The following CTNNA3 variants were observed in gnomAD, a reference collection of about 807,000 sequenced individuals.
CTNNA3 encodes catenin alpha 3, also known as catenin alpha-3.
In CTNNA3, 76 loss-of-function variants were observed where a neutral mutation model predicts 95.7. The ratio of observed to expected loss-of-function variants is 0.79; its 90% CI spans 0.66 to 0.96. The LOEUF (loss-of-function observed/expected upper bound fraction) is 0.96, where lower values mean the gene tolerates loss of function less well. CTNNA3 is among the 40% of genes least tolerant of loss of function. The pLI is 0.00. For missense variants in CTNNA3, 1,191 were observed against 1,089.8 expected, an observed-to-expected ratio of 1.09 and a Z score of -1.31; for synonymous variants, 431 against 374.4, an observed-to-expected ratio of 1.15 and a Z score of -1.74.
chr10:66,720,162 C>T (rs1042819764), intron 9 of CTNNA3, among the ~76,000 whole-genome samples: 4 of 151,896 alleles, frequency 2.6e-5, no homozygotes, highest in Non-Finnish European at 5.9e-5. Context: ...GAAAGACCTT[C>T]TCTCTCGTTA....
intron 6 of CTNNA3, among the ~76,000 whole-genome samples, chr10:67,209,611 C>G (rs1172310735): frequency 6.6e-6 from 1 of 151,704 alleles, no homozygotes; most frequent in Non-Finnish European, 1.5e-5. Flanking sequence ...CAGTGTTCCC[C>G]CAAAAAAATT....
At chr10:67,110,296 T>C (rs1460453589) in intron 7 of CTNNA3, among the ~76,000 whole-genome samples, 1 of 152,210 alleles carries the variant, frequency 6.6e-6, no homozygotes, top group Non-Finnish European at 1.5e-5. Flanking sequence ...TTTTTTAAGT[T>C]TCACAATTGT....
chr10:66,017,077 G>T (rs1017739674), intron 15 of CTNNA3, among the ~76,000 whole-genome samples: 1 of 151,944 alleles, frequency 6.6e-6, no homozygotes, highest in African/African-American at 2.4e-5. Context: ...CTACATAAAT[G>T]CCTGGACTAT....
At chr10:67,235,417 T>G (rs1245267086) in intron 5 of CTNNA3, among the ~76,000 whole-genome samples, 19 of 152,200 alleles carry the variant, frequency 1.2e-4, no homozygotes, top group Non-Finnish European at 2.4e-4. Flanking sequence ...ATGGGGAAAG[T>G]ATTCCCTATT....
chr10:66,290,340 G>A (rs981728725), intron 12 of CTNNA3, among the ~76,000 whole-genome samples: 1 of 151,954 alleles, frequency 6.6e-6, no homozygotes, highest in Admixed American at 6.6e-5. Context: ...CAGCAATTAA[G>A]TATAAAATTG....
At chr10:66,914,788 T>A (rs1384253072) in intron 7 of CTNNA3, among the ~76,000 whole-genome samples, 3 of 152,212 alleles carry the variant, frequency 2.0e-5, no homozygotes, top group African/African-American at 7.2e-5. Context: ...CATTGTAGCT[T>A]GAAGACAACC....
At chr10:67,344,966 A>G (rs1386245365) in intron 5 of CTNNA3, among the ~76,000 whole-genome samples, 1 of 150,116 alleles carries the variant, frequency 6.7e-6, no homozygotes, top group African/African-American at 2.5e-5. Flanking sequence ...TTCTTTTTTG[A>G]TATAGACATT....
At chr10:67,698,224 G>A (rs115606173), upstream of CTNNA3, among the ~76,000 whole-genome samples, 2,492 of 150,880 alleles carry the variant, frequency 0.017, 70 homozygotes, top group African/African-American at 0.058. Context: ...CAAACATTGA[G>A]GGTAGAAGAG....
chr10:67,550,331 G>A (rs1477671823), intron 3 of CTNNA3, among the ~76,000 whole-genome samples: 1 of 152,082 alleles, frequency 6.6e-6, no homozygotes, highest in Non-Finnish European at 1.5e-5. Context: ...TCAAAAGGAG[G>A]TATGAATTTT....
At position 66,479,081 on chromosome 10, in the gene CTNNA3, T is replaced by G. The variant is rs936022421; in HGVS notation, c.1531+41536A>C. 2.4e-4 allele frequency among the ~76,000 whole-genome samples: 36 copies of G among 151,944 alleles called. 1 individual carries two copies. ...TTATGTAGAATTCGTTTTTGTACAG[T>G]TTTTGAGATTTGCATCTAGTTACAT... is the stretch of plus-strand genomic sequence containing the variant. On this transcript the variant is annotated intron_variant, in intron 11 of 17. Coordinates refer to ENST00000433211, the MANE Select transcript of CTNNA3 (RefSeq NM_013266.4).
intron 11 of CTNNA3, among the ~76,000 whole-genome samples, chr10:66,423,365 T>C (rs868344121): frequency 1.1e-4 from 17 of 152,246 alleles, no homozygotes; most frequent in Middle Eastern, 3.4e-3. Flanking sequence ...TTGTAAAATA[T>C]GGGAATAATA....
At chr10:67,179,713 G>A (rs751769998) in intron 7 of CTNNA3, among the ~76,000 whole-genome samples, 1 of 151,950 alleles carries the variant, frequency 6.6e-6, no homozygotes, top group South Asian at 2.1e-4. Flanking sequence ...TGTAGTCCAA[G>A]CTACTTGGGA....
intron 7 of CTNNA3, among the ~76,000 whole-genome samples, chr10:66,906,423 C>A (rs1313388594): frequency 6.6e-6 from 1 of 152,108 alleles, no homozygotes; most frequent in Non-Finnish European, 1.5e-5. Context: ...GGAAATTCTA[C>A]AGGACAAATA....
intron 15 of CTNNA3, among the ~76,000 whole-genome samples, chr10:66,061,783 G>A (rs1190191934): frequency 2.0e-5 from 3 of 151,742 alleles, no homozygotes; most frequent in African/African-American, 4.8e-5. Flanking sequence ...ATTCAAAATC[G>A]AATACAAATT....
Position 66,340,642 on chromosome 10 carries a change from T to C in CTNNA3, c.1732+38510A>G, listed in dbSNP as rs1466801876. ...TTGCAGTAATTATGGTTATTCATAT[T>C]TCAATACATGAAATATTATTAAAGA... On this transcript the variant is annotated intron_variant, in intron 12 of 17. Transcript: ENST00000433211. 1.3e-5 allele frequency among the ~76,000 whole-genome samples: 2 copies of C among 151,782 alleles called. 1 individual carries two copies. Among genetic ancestry groups the C allele is most frequent in the East Asian group, 3.8e-4 (2 of 5,200 alleles).
At chr10:67,284,358 A>T (rs1371652749) in intron 5 of CTNNA3, among the ~76,000 whole-genome samples, 1 of 152,198 alleles carries the variant, frequency 6.6e-6, no homozygotes, top group Non-Finnish European at 1.5e-5. Flanking sequence ...AACGGAGAAC[A>T]AAGAAGCATC....
At position 67,366,380 on chromosome 10, in the gene CTNNA3, G is replaced by T. The variant is rs1023989090; in HGVS notation, c.580-146510C>A. Among the ~76,000 whole-genome samples, 163 of 146,318 alleles carry T rather than the reference G, an allele frequency of 1.1e-3. 3 individuals carry two copies. Among genetic ancestry groups the T allele is most frequent in the Middle Eastern group, 7.2e-3 (2 of 278 alleles). ...AAAAAATAAAATAAAATAAAGAAAA[G>T]AAATTCACTGACATTCAGAAAAAAA... On this transcript the variant is annotated intron_variant, in intron 5 of 17. Coordinates refer to ENST00000433211, the MANE Select transcript of CTNNA3 (RefSeq NM_013266.4).
At chr10:66,300,569 AGAT>A (rs993218552) in intron 12 of CTNNA3, among the ~76,000 whole-genome samples, 6 of 151,746 alleles carry the variant, frequency 4.0e-5, no homozygotes, top group African/African-American at 1.5e-4. Flanking sequence ...TCCTGATACT[AGAT>A]GATGAGAAAG....
intron 7 of CTNNA3, among the ~76,000 whole-genome samples, chr10:66,782,646 T>C (rs1256309503): frequency 2.0e-5 from 3 of 152,122 alleles, no homozygotes; most frequent in South Asian, 2.1e-4. Flanking sequence ...TTGTATCTAC[T>C]ATAACACCTG....
Sources: allele counts gnomAD v4.1 joint callset (sites outside exome capture counted in the v4.1 genomes callset), GRCh38; gene constraint gnomAD v4.1.1; transcripts MANE v1.5; gene names NCBI Gene and HGNC (gene_info 2026-07-23, HGNC 2026-07-21).